KNTC1: variants seen among roughly 807,000 people sequenced by gnomAD.
KNTC1 encodes kinetochore associated 1.
KNTC1 carries 253 observed loss-of-function variants against 314.4 expected under a neutral mutation model. The ratio of observed to expected loss-of-function variants is 0.80; its 90% CI spans 0.73 to 0.89. The LOEUF (loss-of-function observed/expected upper bound fraction) is 0.89. Among genes scored for constraint, KNTC1 ranks in the 40% least tolerant of loss-of-function variants. KNTC1 has a pLI of 0.00. For synonymous variants in KNTC1, 901 were observed against 901.4 expected (o/e 1.00, Z 0.01); for missense variants, 2,475 against 2,572.9 (o/e 0.96, Z 0.82).
intron 43 of KNTC1, 115 bp from the exon 44 acceptor site, chr12:122,597,616 C>CA (rs1397310321): frequency 2.4e-6 from 2 of 826,724 alleles, no homozygotes; most frequent in Non-Finnish European, 4.0e-6. Context: ...TGAGACTGGA[C>CA]AATGACAAGG....
intron 3 of KNTC1, 24 bp downstream of exon 3, chr12:122,534,808 G>C (rs371515417): frequency 6.2e-7 from 1 of 1,602,494 alleles, no homozygotes; most frequent in African/African-American, 1.3e-5. Context: ...AGTGAATGAA[G>C]TAAGATAAAT....
intron 59 of KNTC1, 120 bp from the exon 60 acceptor site, chr12:122,620,359 C>T (rs1158568068): frequency 1.3e-6 from 1 of 789,852 alleles, no homozygotes; most frequent in Non-Finnish European, 2.0e-6. Flanking sequence ...CATGCACCAG[C>T]ACTTTAGTGT....
chr12:122,601,756 T>A lies in KNTC1; in HGVS notation c.4653+131T>A, dbSNP rs191458302. On this transcript the variant is annotated intron_variant, in intron 45 of 63. Transcript: ENST00000333479. The stretch of plus-strand genomic sequence containing the variant: ...TTAAACTCTGTGGTTTATTTTAGGT[T>A]TTTAAAAATCTTTACAAATCTTTAA... The A allele has an allele frequency of 3.5e-4, 341 of 966,206 alleles. 4 individuals carry two copies. The African/African-American group carries it at 5.1e-3, about 15-fold the overall frequency. 59.9% of individuals were successfully genotyped at this position (966,206 alleles called of 1,614,324 possible). A position where few individuals can be genotyped will look rare whatever the true frequency, so the allele number is the denominator to read the frequency against.
Position 122,573,171 on chromosome 12 carries a change from G to A in KNTC1, c.2169G>A (p.Met723Ile), listed in dbSNP as rs751507258. 6 of 1,613,798 alleles carry A rather than the reference G, an allele frequency of 3.7e-6. No homozygotes were observed. The highest frequency in any genetic ancestry group is 5.1e-6 in the Non-Finnish European group (6 of 1,179,870). Residue 723 changes from methionine (M) to isoleucine (I), a missense_variant, in exon 26 of 64, where the codon ATG becomes ATA. Met to Ile is a conservative substitution (Grantham distance 10). Coordinates refer to ENST00000333479, the MANE Select transcript of KNTC1 (RefSeq NM_014708.6). Reference protein sequence around the residue: ...KENTTTIVFRMFDKVLAPELI... With the variant: ...KENTTTIVFRIFDKVLAPELI... ...ATACAACCACCATAGTGTTCCGAAT[G>A]TTTGATAAAGTGCTGGCCCCAGAGC...
At position 122,587,656 on chromosome 12, in the gene KNTC1, A is replaced by G. The variant is rs1869548998; in HGVS notation, c.3731-55A>G. On this transcript the variant is annotated intron_variant, in intron 38 of 63. Transcript: ENST00000333479. ...GTCCCTGAAAACAGTTTTCAATAAT[A>G]TGATCTTTCTTTGTTTAAAAAATCT... The G allele has an allele frequency of 2.8e-6, 4 of 1,417,414 alleles. No homozygotes were observed. In the East Asian group the frequency reaches 9.7e-5, roughly 34 times the overall value. The allele number at this position is 1,417,414 out of a possible 1,614,324, so 87.8% of individuals were successfully genotyped here. A position where few individuals can be genotyped will look rare whatever the true frequency, so the allele number is the denominator to read the frequency against.
At chr12:122,626,124 G>A (rs532226207) in intron 63 of KNTC1, 81 bp from the exon 64 acceptor site, 22 of 959,056 alleles carry the variant, frequency 2.3e-5, no homozygotes, top group Non-Finnish European at 2.8e-5. Flanking sequence ...CTTCACTTAA[G>A]TTCTGTAGTT....
chr12:122,581,198 ATTTTTTT>A (rs34152519), intron 33 of KNTC1, among the ~76,000 whole-genome samples: 3 of 135,246 alleles, frequency 2.2e-5, no homozygotes, highest in Admixed American at 7.6e-5. Flanking sequence ...TGTGTTATTA[ATTTTTTT>A]TTTTTTTTTT....
At chr12:122,541,334 T>TTCCTTCCTTCCTTC (rs1565934838) in intron 5 of KNTC1, among the ~76,000 whole-genome samples, 16 of 147,496 alleles carry the variant, frequency 1.1e-4, no homozygotes, top group South Asian at 4.5e-4. Flanking sequence ...CCGTCCTTCC[T>TTCCTTCCTTCCTTC]CTGTCTCTCC....
intron 57 of KNTC1, 97 bp from the exon 58 acceptor site, chr12:122,618,246 A>G: frequency 2.0e-6 from 2 of 1,000,138 alleles, no homozygotes; most frequent in Non-Finnish European, 3.1e-6. Context: ...TGCTGGGATT[A>G]TAGGTGTGAG....
intron 30 of KNTC1, 70 bp downstream of exon 30, chr12:122,577,099 A>T: frequency 7.9e-7 from 1 of 1,266,198 alleles, no homozygotes; most frequent in Non-Finnish European, 1.1e-6. Flanking sequence ...GTTTTTTGAG[A>T]CAGGGTCTCG....
rs901770044 is a variant in KNTC1 at position 122,612,760 on chromosome 12, C to A, written c.5623-352C>A. 4.2e-5 allele frequency: 8 copies of A among 188,390 alleles called. No individual in the cohort carries two copies. The Admixed American group carries it at 4.7e-4, about 11-fold the overall frequency. 11.7% of individuals were successfully genotyped at this position (188,390 alleles called of 1,614,324 possible). On this transcript the variant is annotated intron_variant, in intron 53 of 63. Transcript: ENST00000333479. The stretch of plus-strand genomic sequence containing the variant: ...TACTGCCAGGGCATGCCTGTAAATA[C>A]AAGGGCTGCAACAACAGTTGGGGGC...
intron 1 of KNTC1, among the ~76,000 whole-genome samples, chr12:122,528,933 C>A (rs1961066276): frequency 6.6e-6 from 1 of 152,114 alleles, no homozygotes; most frequent in Non-Finnish European, 1.5e-5. Context: ...ACCTCCGCCT[C>A]CCGGGTTCAA....
chr12:122,536,334 TCTC>T (rs1488848075), intron 3 of KNTC1, among the ~76,000 whole-genome samples: 4 of 151,298 alleles, frequency 2.6e-5, no homozygotes, highest in African/African-American at 9.7e-5. Flanking sequence ...TCCAAGCAAT[TCTC>T]CTGCCTCAGC....
rs975728913 is a variant in KNTC1 at position 122,613,531 on chromosome 12, A to T, written c.5742-95A>T. On this transcript the variant is annotated intron_variant, in intron 54 of 63. Transcript: ENST00000333479. The stretch of plus-strand genomic sequence containing the variant: ...TTTGGAAGTCCAAAATGGACATTTA[A>T]AACAAACTGGCCTAATATTTCCATA... 3.3e-6 allele frequency: 4 copies of T among 1,225,566 alleles called. No individual in the cohort carries two copies. In the African/African-American group the frequency reaches 6.2e-5, roughly 19 times the overall value. The allele number at this position is 1,225,566 out of a possible 1,614,324, so 75.9% of individuals were successfully genotyped here. A position where few individuals can be genotyped will look rare whatever the true frequency, so the allele number is the denominator to read the frequency against.
chr12:122,558,777 G>A (rs1963775358), intron 18 of KNTC1, among the ~76,000 whole-genome samples: 3 of 152,120 alleles, frequency 2.0e-5, no homozygotes, highest in Non-Finnish European at 4.4e-5. Context: ...TTGGCAGGCT[G>A]AGGCATGAGA....
At chr12:122,614,862 CAGAGTGAGACTCCATCTCA>C in intron 55 of KNTC1, 110 bp from the exon 56 acceptor site, 2 of 559,746 alleles carry the variant, frequency 3.6e-6, no homozygotes, top group Non-Finnish European at 6.2e-6. Context: ...GCCTGGGCAA[CAGAGTGAGACTCCATCTCA>C]AAAAAAAAAA....
intron 3 of KNTC1, among the ~76,000 whole-genome samples, chr12:122,535,858 T>C (rs1020098162): frequency 1.3e-5 from 2 of 151,772 alleles, no homozygotes; most frequent in African/African-American, 4.8e-5. Context: ...AGTCAGTGAT[T>C]GTACTGAGCT....
chr12:122,613,342 C>T (rs1245089859), intron 54 of KNTC1, 112 bp downstream of exon 54: 1 of 750,498 alleles, frequency 1.3e-6, no homozygotes, highest in African/African-American at 1.8e-5. Flanking sequence ...TGTGTGAATA[C>T]AGTTCTGTTG....
chr12:122,605,051 C>T lies in KNTC1; in HGVS notation c.5350C>T (p.Gln1784Ter), dbSNP rs1231728317. ...VSLYEHPSIN[Q>*]RIQNSSGTDY... The stretch of plus-strand genomic sequence containing the variant: ...TCTCTACGAACATCCTAGCATCAAT[C>T]AAAGAATTCAGAATTCATCTGGCAC... The change falls in exon 50 of 64, where the codon CAA (glutamine) becomes TAA (stop). Residue 1784 changes from glutamine (Q) to a stop codon, truncating the protein, a stop_gained. Transcript: ENST00000333479. LOFTEE classifies it high-confidence loss of function. The T allele has an allele frequency of 6.2e-7, 1 of 1,612,308 alleles. No individual in the cohort carries two copies. The highest frequency in any genetic ancestry group is 1.7e-5 in the Admixed American group (1 of 59,796).
Sources: gnomAD v4.1 joint callset for allele counts (sites outside exome capture counted in the v4.1 genomes callset) on GRCh38, gnomAD v4.1.1 for gene constraint, MANE v1.5 for transcripts, NCBI Gene and HGNC (gene_info 2026-07-23, HGNC 2026-07-21) for gene names.